Variants in TBL1XR1 observed in about 807,000 individuals in gnomAD.
TBL1XR1 encodes the protein TBL1X/Y related 1.
Under a neutral mutation model 66.9 loss-of-function variants are expected in TBL1XR1, and 5 were observed. The observed-to-expected ratio is 0.07, with a 90% CI of 0.04 to 0.16. The LOEUF (loss-of-function observed/expected upper bound fraction) is 0.16, where lower values mean the gene tolerates loss of function less well. Among genes scored for constraint, TBL1XR1 ranks in the 10% least tolerant of loss-of-function variants. The probability of loss-of-function intolerance (pLI) is 1.00; values close to 1 mark genes in which losing one functional copy is unlikely to be tolerated. For missense variants in TBL1XR1, 238 were observed against 623.2 expected (o/e 0.38, Z 6.58); for synonymous variants, 210 against 206.0 (o/e 1.02, Z -0.17).
upstream of TBL1XR1, among the ~76,000 whole-genome samples, chr3:177,199,449 A>G (rs886876924): frequency 6.6e-5 from 10 of 151,060 alleles, no homozygotes; most frequent in African/African-American, 2.0e-4. Context: ...TAAGTAAACT[A>G]TCTCGGTGGA....
chr3:177,168,777 T>C (rs1419189036), intron 1 of TBL1XR1, among the ~76,000 whole-genome samples: 1 of 152,224 alleles, frequency 6.6e-6, no homozygotes, highest in African/African-American at 2.4e-5. Flanking sequence ...TTCAATCATT[T>C]CTGAATTACA....
At chr3:177,194,363 C>T (rs1736555559) in intron 1 of TBL1XR1, among the ~76,000 whole-genome samples, 1 of 152,212 alleles carries the variant, frequency 6.6e-6, no homozygotes, top group Non-Finnish European at 1.5e-5. Context: ...TTCACATGCA[C>T]TAGAAAAATA....
intron 1 of TBL1XR1, among the ~76,000 whole-genome samples, chr3:177,180,371 T>TC (rs1734671314): frequency 2.2e-5 from 1 of 45,422 alleles, no homozygotes; most frequent in Non-Finnish European, 3.9e-5. Flanking sequence ...AATACGTTCA[T>TC]TCCCCCCCCC....
At chr3:177,081,212 G>C (rs1721348659) in intron 2 of TBL1XR1, among the ~76,000 whole-genome samples, 2 of 152,006 alleles carry the variant, frequency 1.3e-5, no homozygotes, top group Non-Finnish European at 2.9e-5. Flanking sequence ...TCTTGTTCTT[G>C]GCCAGTCTTA....
At chr3:177,130,779 ATTG>A (rs1728203196) in intron 1 of TBL1XR1, among the ~76,000 whole-genome samples, 1 of 152,228 alleles carries the variant, frequency 6.6e-6, no homozygotes, top group South Asian at 2.1e-4. Context: ...GACTAAAACA[ATTG>A]TTAACTCCTC....
At chr3:177,040,752 A>T (rs1715471788) in intron 10 of TBL1XR1, among the ~76,000 whole-genome samples, 1 of 152,188 alleles carries the variant, frequency 6.6e-6, no homozygotes, top group Admixed American at 6.5e-5. Context: ...TAAAGAACAA[A>T]GAAGCGAATT....
intron 12 of TBL1XR1, among the ~76,000 whole-genome samples, chr3:177,035,540 A>C (rs1159930037): frequency 6.6e-6 from 1 of 151,850 alleles, no homozygotes; most frequent in Non-Finnish European, 1.5e-5. Context: ...CAGCCTCCAG[A>C]GTAGCTGGGA....
At chr3:177,124,744 C>A (rs1003441656) in intron 1 of TBL1XR1, among the ~76,000 whole-genome samples, 2 of 152,028 alleles carry the variant, frequency 1.3e-5, no homozygotes, top group African/African-American at 4.8e-5. Context: ...TCTTAATTGA[C>A]AATGCAATGA....
chr3:177,192,548 A>G (rs890932412), intron 1 of TBL1XR1, among the ~76,000 whole-genome samples: 4 of 152,226 alleles, frequency 2.6e-5, no homozygotes, highest in African/African-American at 9.6e-5. Context: ...TAAATTATTC[A>G]TAGTATATGT....
chr3:177,041,647 A>C (rs751635382), intron 10 of TBL1XR1, among the ~76,000 whole-genome samples: 1 of 152,186 alleles, frequency 6.6e-6, no homozygotes, highest in Non-Finnish European at 1.5e-5. Flanking sequence ...TCTGACAGCA[A>C]TGTGGATGAC....
chr3:177,030,124 A>G (rs1404881100), intron 14 of TBL1XR1, among the ~76,000 whole-genome samples: 2 of 143,598 alleles, frequency 1.4e-5, no homozygotes, highest in African/African-American at 5.0e-5. Flanking sequence ...GTGTGTGTAT[A>G]TATATATAGA....
intron 1 of TBL1XR1, among the ~76,000 whole-genome samples, chr3:177,192,247 G>A (rs1278267213): frequency 1.3e-5 from 2 of 151,856 alleles, no homozygotes; most frequent in Admixed American, 6.6e-5. Context: ...TTAGCTGGGC[G>A]TGGTGGCGCA....
At chr3:177,057,881 T>A (rs1718000860) in intron 3 of TBL1XR1, among the ~76,000 whole-genome samples, 2 of 152,134 alleles carry the variant, frequency 1.3e-5, no homozygotes, top group African/African-American at 4.8e-5. Flanking sequence ...ATATAGTCAT[T>A]CAGTGACAGA....
chr3:177,096,331 T>TACACACACACAC (rs756833949), intron 2 of TBL1XR1, among the ~76,000 whole-genome samples: 215 of 100,752 alleles, frequency 2.1e-3, no homozygotes, highest in African/African-American at 6.2e-3. Context: ...CTAACATACA[T>TACACACACACAC]ACATACACAC....
At chr3:177,034,096 A>T (rs2108413379) in intron 13 of TBL1XR1, 102 bp downstream of exon 13, 1 of 1,358,058 alleles carries the variant, frequency 7.4e-7, no homozygotes, top group Non-Finnish European at 1.0e-6. Flanking sequence ...AAAAAAAAAA[A>T]AAGTTTCCAC....
In TBL1XR1 at chr3:177,186,010, C is replaced by CAAAT. The variant is rs746192160; in HGVS notation, c.-122+11107_-122+11110dup. Among the ~76,000 whole-genome samples, 100 of 152,016 alleles carry CAAAT rather than the reference C, an allele frequency of 6.6e-4. 2 individuals carry two copies. The highest frequency in any genetic ancestry group is 1.8e-3 in the African/African-American group (74 of 41,470). On this transcript the variant is annotated intron_variant, in intron 1 of 15. Transcript: ENST00000457928. ...CAGGTGACAGAGCAAGACCCTGCCT[C>CAAAT]AAATAAATAAATAAATAAATATAAG...
At chr3:177,041,795 T>C (rs1437801082) in intron 10 of TBL1XR1, among the ~76,000 whole-genome samples, 1 of 152,178 alleles carries the variant, frequency 6.6e-6, no homozygotes, top group Admixed American at 6.5e-5. Flanking sequence ...GTTCATACAA[T>C]GTAAGACACT....
intron 1 of TBL1XR1, among the ~76,000 whole-genome samples, chr3:177,142,996 T>C (rs56207555): frequency 6.6e-6 from 1 of 151,766 alleles, no homozygotes; most frequent in South Asian, 2.1e-4. Context: ...AGTGCCACGT[T>C]TTTGCATGTT....
intron 3 of TBL1XR1, among the ~76,000 whole-genome samples, chr3:177,062,397 T>A (rs543989903): frequency 6.6e-6 from 1 of 152,230 alleles, no homozygotes; most frequent in Non-Finnish European, 1.5e-5. Flanking sequence ...CCTGGGGCAT[T>A]TGTAAAATGC....
Sources: gnomAD v4.1 joint callset for allele counts (sites outside exome capture counted in the v4.1 genomes callset) on GRCh38, gnomAD v4.1.1 for gene constraint, MANE v1.5 for transcripts, NCBI Gene and HGNC (gene_info 2026-07-23, HGNC 2026-07-21) for gene names.